Variants in MGAT1 observed in about 807,000 individuals in gnomAD.
The protein encoded by MGAT1 is N-glycosyl-oligosaccharide-glycoprotein N-acetylglucosaminyltransferase I.
MGAT1 carries 14 observed loss-of-function variants against 31.7 expected under a neutral mutation model. That is an observed-to-expected ratio of 0.44 (90% confidence interval 0.29 to 0.69). The LOEUF is 0.69. Ranked by LOEUF, MGAT1 falls within the 30% of genes least tolerant of loss-of-function variation. The pLI is 0.12. For synonymous variants in MGAT1, 338 were observed against 276.0 expected (o/e 1.22, Z -2.23); for missense variants, 557 against 626.0 (o/e 0.89, Z 1.18).
In MGAT1 at chr5:180,792,298, G is replaced by A; in HGVS notation, c.674C>T (p.Thr225Ile). 6.2e-7 allele frequency: 1 copy of A among 1,610,428 alleles called. No individual in the cohort carries two copies. Among genetic ancestry groups the A allele is most frequent in the Non-Finnish European group, 8.5e-7 (1 of 1,177,784 alleles). The change falls in exon 2 of 2, where the codon ACC becomes ATC. Residue 225 changes from threonine to isoleucine, a missense_variant. Coordinates refer to ENST00000307826, the MANE Select transcript of MGAT1 (RefSeq NM_002406.4). ...GGGGTCGGCCTTCAGCAGCGGATAG[G>A]TGGCCCGAAAGTACTCGAAGAAGTC... ...APDFFEYFRA[T>I]YPLLKADPSL... is the part of the protein sequence containing the mutation.
At chr5:180,804,517 G>A (rs80306202), upstream of MGAT1, among the ~76,000 whole-genome samples, 1,861 of 152,344 alleles carry the variant, frequency 0.012, 34 homozygotes, top group African/African-American at 0.041. Flanking sequence ...CTGACTGCGC[G>A]CACTGTGGCA....
chr5:180,812,795 C>T (rs1581934180), intron 1 of MGAT1, among the ~76,000 whole-genome samples: 2 of 152,262 alleles, frequency 1.3e-5, no homozygotes, highest in East Asian at 1.9e-4. Flanking sequence ...TCAGAATTTA[C>T]TAATGCCCTT....
intron 1 of MGAT1, chr5:180,811,492 C>T: frequency 1.3e-5 from 2 of 152,146 alleles, no homozygotes; most frequent in Non-Finnish European, 2.9e-5. Flanking sequence ...AATGGCGGCT[C>T]CATTTACTCA....
At position 180,792,219 on chromosome 5, in the gene MGAT1, G is replaced by A. The variant is rs762801464; in HGVS notation, c.753C>T (p.Asp251=). ...GGTAGAGCAGCTCAGGCCTGCTGGC[G>A]TCCACCATCTGCTCCTTGCCGTTGT... The part of the protein sequence containing the change: ...WNDNGKEQMV[D]ASRPELLYRT... The change falls in exon 2 of 2, where the codon GAC becomes GAT. Residue 251 remains aspartate, a synonymous_variant. Coordinates refer to ENST00000307826, the MANE Select transcript of MGAT1 (RefSeq NM_002406.4). The A allele has an allele frequency of 8.7e-6, 14 of 1,613,120 alleles. No homozygotes were observed. Among genetic ancestry groups the A allele is most frequent in the African/African-American group, 1.3e-5 (1 of 75,058 alleles).
In MGAT1 at chr5:180,785,976, G is replaced by A. The variant is rs993773539; in HGVS notation, c.*5658C>T. On this transcript the variant is annotated 3_prime_UTR_variant, in exon 2 of 2. Transcript: ENST00000307826. ...GAAGGCAGCCAGACCACATTCCAGT[G>A]AGTGGAACGTGAGGGAAGGCTGTCT... The A allele has an allele frequency of 3.3e-5, 5 of 152,302 alleles. No individual in the cohort carries two copies. Among genetic ancestry groups the A allele is most frequent in the African/African-American group, 1.2e-4 (5 of 41,466 alleles). 9.4% of individuals were successfully genotyped at this position (152,302 alleles called of 1,614,324 possible).
Position 180,792,267 on chromosome 5 carries a change from C to A in MGAT1, c.705G>T (p.Leu235=), listed in dbSNP as rs543133825. The A allele has an allele frequency of 6.2e-7, 1 of 1,612,684 alleles. No homozygotes were observed. The highest frequency in any genetic ancestry group is 8.5e-7 in the Non-Finnish European group (1 of 1,179,628). ...TGTCATTCCAGGCCGAGACGCACCA[C>A]AGGGAGGGGTCGGCCTTCAGCAGCG... ...TYPLLKADPS[L]WCVSAWNDNG... Residue 235 remains leucine (L), a synonymous_variant, in exon 2 of 2, where the codon CTG becomes CTT. Transcript: ENST00000307826.
rs138533580 is a variant in MGAT1 at position 180,788,027 on chromosome 5, TGCA to T, written c.*3604_*3606del. 8.8e-4 allele frequency: 137 copies of T among 156,036 alleles called. No individual in the cohort carries two copies. The highest frequency in any genetic ancestry group is 1.6e-3 in the African/African-American group (66 of 41,562). 9.7% of individuals were successfully genotyped at this position (156,036 alleles called of 1,614,324 possible). ...TCACAGCTGGAGGCAGAAGCAGGAA[TGCA>T]GCAGCAGCAGCAGCCAGGCGCAAGG... On this transcript the variant is annotated 3_prime_UTR_variant, in exon 2 of 2. Coordinates refer to ENST00000307826, the MANE Select transcript of MGAT1 (RefSeq NM_002406.4).
intron 1 of MGAT1, among the ~76,000 whole-genome samples, chr5:180,797,439 GGC>G (rs1491398315): frequency 6.9e-6 from 1 of 145,320 alleles, no homozygotes; most frequent in African/African-American, 2.6e-5. Context: ...AGGGGGGGGG[GGC>G]CCAGAGGGAT....
At position 180,788,898 on chromosome 5, in the gene MGAT1, A is replaced by G. The variant is rs1767762241; in HGVS notation, c.*2736T>C. On this transcript the variant is annotated 3_prime_UTR_variant, in exon 2 of 2. Transcript: ENST00000307826. ...GTACTTATCCTGGAGCACTCAGAAC[A>G]ATGCACTTGGCTAGCTGCATGACAT... 2 of 152,284 alleles carry G rather than the reference A, an allele frequency of 1.3e-5. No individual in the cohort carries two copies. The highest frequency in any genetic ancestry group is 2.9e-5 in the Non-Finnish European group (2 of 68,102). The allele number at this position is 152,284 out of a possible 1,614,324, so 9.4% of individuals were successfully genotyped here. A position where few individuals can be genotyped will look rare whatever the true frequency, so the allele number is the denominator to read the frequency against.
At chr5:180,815,583 C>T (rs1037853490), upstream of MGAT1, 10 of 152,378 alleles carry the variant, frequency 6.6e-5, no homozygotes, top group African/African-American at 2.2e-4. Context: ...CTCTTTTCCT[C>T]CACCCTCTCC....
At position 180,793,195 on chromosome 5, in the gene MGAT1, G is replaced by A. The variant is rs1048787970; in HGVS notation, c.-126-98C>T. On this transcript the variant is annotated intron_variant, in intron 1 of 1. Transcript: ENST00000307826. ...GGGGGCAGGAAAAGGCCAAGAGTGA[G>A]GGTGGAGGAAGGCCAGGAGGTTGAC... The A allele has an allele frequency of 1.5e-5, 9 of 601,736 alleles. 1 individual carries two copies. In the Admixed American group the frequency reaches 1.6e-4, roughly 10 times the overall value. 37.3% of individuals were successfully genotyped at this position (601,736 alleles called of 1,614,324 possible).
chr5:180,792,743 C>T lies in MGAT1; in HGVS notation c.229G>A (p.Asp77Asn). ...RQRGLLQQIGDALSSQRGRVP... is the reference protein window; with the variant it reads ...RQRGLLQQIGNALSSQRGRVP... ...CTCCCCCGCTGGCTCGACAGGGCATCCCCGATCTGCTGCAGCAGCCCACGC... is the reference window on the plus strand; with the variant it reads ...CTCCCCCGCTGGCTCGACAGGGCATTCCCGATCTGCTGCAGCAGCCCACGC... The change falls in exon 2 of 2, where the codon GAT becomes AAT. Residue 77 changes from aspartate (D) to asparagine (N), a missense_variant. Around this residue, in one of 3 missense-constraint regions of MGAT1, gnomAD observed 167 missense variants for 149.8 expected, o/e 1.11. Coordinates refer to ENST00000307826, the MANE Select transcript of MGAT1 (RefSeq NM_002406.4). The T allele has an allele frequency of 1.3e-6, 2 of 1,547,620 alleles. No individual in the cohort carries two copies. The highest frequency in any genetic ancestry group is 1.7e-6 in the Non-Finnish European group (2 of 1,147,170).
rs1771150140 is a variant in MGAT1 at position 180,802,791 on chromosome 5, C to CGCCAGCCCTTTCTGCG, written c.-239_-238insCGCAGAAAGGGCTGGC. The CGCCAGCCCTTTCTGCG allele has an allele frequency of 6.6e-6, 1 of 151,978 alleles. No homozygotes were observed. The highest frequency in any genetic ancestry group is 6.6e-5 in the Admixed American group (1 of 15,258). 9.4% of individuals were successfully genotyped at this position (151,978 alleles called of 1,614,324 possible). A position where few individuals can be genotyped will look rare whatever the true frequency, so the allele number is the denominator to read the frequency against. ...GCCGCGGCCGCCTCGCCTTTCGACT[C>CGCCAGCCCTTTCTGCG]GCCAGCCCTTTCTGCGGCGCGCCGG... On this transcript the variant is annotated 5_prime_UTR_variant, in exon 1 of 2. Transcript: ENST00000307826.
At chr5:180,812,433 T>C (rs1772635383) in intron 1 of MGAT1, among the ~76,000 whole-genome samples, 1 of 152,236 alleles carries the variant, frequency 6.6e-6, no homozygotes, top group Non-Finnish European at 1.5e-5. Flanking sequence ...TCGTGCTTGT[T>C]ATAACAAGTC....
At chr5:180,815,299 A>T (rs1772807690) in intron 1 of MGAT1, 1 of 152,280 alleles carries the variant, frequency 6.6e-6, no homozygotes, top group Non-Finnish European at 1.5e-5. Flanking sequence ...ATTAAGTTTC[A>T]ACATAAGTTT....
In MGAT1 at chr5:180,791,888, C is replaced by T. The variant is rs148413292; in HGVS notation, c.1084G>A (p.Val362Ile). The change falls in exon 2 of 2, where the codon GTC (valine) becomes ATC (isoleucine). Residue 362 changes from valine (V) to isoleucine (I), a missense_variant. By Grantham distance (29) the Val-to-Ile change is conservative (BLOSUM62 3). This residue lies in a region of MGAT1 where 145 missense variants were observed against 143.2 expected (regional missense o/e 1.01). Transcript: ENST00000307826. ...ACCTGCAGCTGGGGAGCACCGTAGA[C>T]GCGGGCGAGGAAATCTCGGTCATAG... ...EAYDRDFLARVYGAPQLQVEK... is the reference protein window; with the variant it reads ...EAYDRDFLARIYGAPQLQVEK... 1.4e-4 allele frequency: 219 copies of T among 1,614,236 alleles called. 3 individuals carry two copies. The highest frequency in any genetic ancestry group is 1.3e-3 in the Admixed American group (77 of 60,034).
At chr5:180,794,539 A>C (rs1176570718) in intron 1 of MGAT1, among the ~76,000 whole-genome samples, 3 of 152,130 alleles carry the variant, frequency 2.0e-5, no homozygotes, top group Admixed American at 2.0e-4. Context: ...TTACACAAAA[A>C]AATCTAATAT....
rs1407552173 is a variant in MGAT1, at chr5:180,792,624, G to C, written c.348C>G (p.Ser116Arg). Residue 116 changes from serine (S) to arginine (R), a missense_variant, in exon 2 of 2, where the codon AGC becomes AGG. Physicochemically the swap from Ser to Arg is moderately radical, Grantham distance 110. This residue lies in a region of MGAT1 where 245 missense variants were observed against 332.9 expected (regional missense o/e 0.74). Transcript: ENST00000307826. ...GCTTGTCCAGGCAGCGCCGAACAGT[G>C]CTGCGGTCACAGGCGATGACCAGGA... ...IPILVIACDR[S>R]TVRRCLDKLL... 6.2e-7 allele frequency: 1 copy of C among 1,600,056 alleles called. No individual in the cohort carries two copies. The highest frequency in any genetic ancestry group is 1.7e-5 in the Admixed American group (1 of 59,390).
rs1027509237 is a variant in MGAT1 at position 180,792,512 on chromosome 5, A to C, written c.460T>G (p.Ser154Ala). 3.1e-6 allele frequency: 5 copies of C among 1,612,874 alleles called. No individual in the cohort carries two copies. The highest frequency in any genetic ancestry group is 4.2e-6 in the Non-Finnish European group (5 of 1,179,870). ...GHEETAQAIA[S>A]YGSAVTHIRQ... ...ATGTGCGTGACCGCGCTGCCGTAGG[A>C]GGCGATGGCCTGGGCCGTCTCCTCG... is the stretch of plus-strand genomic sequence containing the variant. Residue 154 changes from serine to alanine, a missense_variant, in exon 2 of 2, where the codon TCC becomes GCC. Around this residue, in one of 3 missense-constraint regions of MGAT1, gnomAD observed 245 missense variants for 332.9 expected, o/e 0.74. Coordinates refer to ENST00000307826, the MANE Select transcript of MGAT1 (RefSeq NM_002406.4).
Sources: allele counts gnomAD v4.1 joint callset (sites outside exome capture counted in the v4.1 genomes callset), GRCh38; gene constraint gnomAD v4.1.1; regional missense constraint gnomAD v4.1.1; transcripts MANE v1.5; gene names NCBI Gene and HGNC (gene_info 2026-07-23, HGNC 2026-07-21).